SFMBT1: variants seen among roughly 807,000 people sequenced by gnomAD.
SFMBT1 encodes the protein scm-like with four MBT domains protein 1.
In SFMBT1, 32 loss-of-function variants were observed where a neutral mutation model predicts 108.7. That is an observed-to-expected ratio of 0.29 (90% CI 0.22 to 0.40). The LOEUF is 0.40. Among genes scored for constraint, SFMBT1 ranks in the 10% least tolerant of loss-of-function variants. The pLI, the probability that SFMBT1 is intolerant of heterozygous loss-of-function variation, is 1.00. For synonymous variants in SFMBT1, 348 were observed against 369.5 expected, an observed-to-expected ratio of 0.94 and a Z score of 0.67; for missense variants, 816 against 1,059.6, an observed-to-expected ratio of 0.77 and a Z score of 3.19.
intron 1 of SFMBT1, among the ~76,000 whole-genome samples, chr3:52,972,841 AACACACACAC>A (rs55688451): frequency 8.4e-6 from 1 of 118,852 alleles, no homozygotes; most frequent in African/African-American, 3.4e-5. Context: ...ATCTCTACTA[AACACACACAC>A]ACACACACAC....
intron 1 of SFMBT1, among the ~76,000 whole-genome samples, chr3:52,989,582 C>T (rs563455339): frequency 7.0e-4 from 107 of 151,982 alleles, no homozygotes; most frequent in Middle Eastern, 6.9e-3. Flanking sequence ...GGGCAGATCA[C>T]GAGGTCAGGA....
intron 3 of SFMBT1, among the ~76,000 whole-genome samples, chr3:52,948,627 AATT>A (rs71087037): frequency 1.8e-4 from 27 of 148,618 alleles, no homozygotes; most frequent in African/African-American, 3.2e-4. Flanking sequence ...GTTGCCTTAC[AATT>A]ATTATTATTA....
At chr3:52,966,253 C>T (rs1704139400) in intron 2 of SFMBT1, among the ~76,000 whole-genome samples, 2 of 148,714 alleles carry the variant, frequency 1.3e-5, no homozygotes, top group Non-Finnish European at 3.0e-5. Context: ...GGAGGCAAAG[C>T]TTGCAGTGAG....
chr3:52,969,587 A>G (rs1181814384), intron 1 of SFMBT1, among the ~76,000 whole-genome samples: 1 of 152,160 alleles, frequency 6.6e-6, no homozygotes, highest in Non-Finnish European at 1.5e-5. Flanking sequence ...CCTATACACA[A>G]AACTCCAGTT....
At chr3:52,965,903 G>A (rs1214242593) in intron 2 of SFMBT1, among the ~76,000 whole-genome samples, 2 of 149,072 alleles carry the variant, frequency 1.3e-5, no homozygotes, top group East Asian at 4.0e-4. Flanking sequence ...CTACTCGGGA[G>A]GCTGAGGCAG....
intron 10 of SFMBT1, 84 bp downstream of exon 10, chr3:52,925,946 TC>T: frequency 8.0e-7 from 1 of 1,242,360 alleles, no homozygotes; most frequent in Non-Finnish European, 1.1e-6. Flanking sequence ...ATGATTATCT[TC>T]AGAGCAATAA....
At position 52,943,450 on chromosome 3, in the gene SFMBT1, C is replaced by G; in HGVS notation, c.267G>C (p.Glu89Asp). The G allele has an allele frequency of 6.2e-7, 1 of 1,614,184 alleles. No homozygotes were observed. Among genetic ancestry groups the G allele is most frequent in the Non-Finnish European group, 8.5e-7 (1 of 1,180,032 alleles). Residue 89 changes from glutamate to aspartate, a missense_variant, in exon 4 of 21, where the codon GAG (glutamate) becomes GAC (aspartate). By Grantham distance (45) the Glu-to-Asp change is conservative. Coordinates refer to ENST00000394752, the MANE Select transcript of SFMBT1 (RefSeq NM_016329.4). ...CACACCAGAAATCTGCTCTCCGATC[C>G]TCCCCATAGCCATCATAGCGGAGAA... Reference protein sequence around the residue: ...LLLLRYDGYGEDRRADFWCDI... With the variant: ...LLLLRYDGYGDDRRADFWCDI...
At chr3:52,947,765 CCTT>C (rs1464502709) in intron 3 of SFMBT1, among the ~76,000 whole-genome samples, 9 of 151,056 alleles carry the variant, frequency 6.0e-5, no homozygotes, top group Admixed American at 2.0e-4. Context: ...GACAGCGTCT[CCTT>C]CTGTCGCCCA....
At chr3:53,040,967 AATTTTTTTTTTTT>A (rs1700026332) in intron 1 of SFMBT1, among the ~76,000 whole-genome samples, 1 of 72,834 alleles carries the variant, frequency 1.4e-5, no homozygotes, top group Non-Finnish European at 3.0e-5. Context: ...AAGACACCTG[AATTTTTTTTTTTT>A]TTTTTTTTTT....
At chr3:52,972,004 G>A (rs1370453920) in intron 1 of SFMBT1, among the ~76,000 whole-genome samples, 1 of 152,248 alleles carries the variant, frequency 6.6e-6, no homozygotes, top group African/African-American at 2.4e-5. Flanking sequence ...TTTTAAGCAG[G>A]TTGTTGACAG....
intron 17 of SFMBT1, among the ~76,000 whole-genome samples, chr3:52,909,080 A>G (rs1189090455): frequency 6.6e-6 from 1 of 152,212 alleles, no homozygotes; most frequent in Non-Finnish European, 1.5e-5. Context: ...TCAAAATATA[A>G]TACAATTTTG....
chr3:53,037,295 G>A (rs1489740048), intron 1 of SFMBT1, among the ~76,000 whole-genome samples: 5 of 152,268 alleles, frequency 3.3e-5, no homozygotes, highest in Middle Eastern at 3.4e-3. Flanking sequence ...CCATTCCTGA[G>A]AATGGAGCCT....
intron 3 of SFMBT1, among the ~76,000 whole-genome samples, chr3:52,951,120 A>AAAAAG (rs1440224146): frequency 2.1e-5 from 3 of 146,232 alleles, no homozygotes; most frequent in African/African-American, 7.5e-5. Flanking sequence ...TTATCTTAAA[A>AAAAAG]AAAAAAAAAA....
chr3:52,904,870 A>C lies in SFMBT1; in HGVS notation c.*266T>G, dbSNP rs555606687. 5 of 343,438 alleles carry C rather than the reference A, an allele frequency of 1.5e-5. No individual in the cohort carries two copies. Among genetic ancestry groups the C allele is most frequent in the Non-Finnish European group, 2.1e-5 (4 of 190,898 alleles). 21.3% of individuals were successfully genotyped at this position (343,438 alleles called of 1,614,324 possible). Reference sequence around the variant, plus strand: ...CCACTGGAAATGCTTTTCTTCTTATATAAGTCTTTTCCTCACAACCTTTAT... The same window carrying C: ...CCACTGGAAATGCTTTTCTTCTTATCTAAGTCTTTTCCTCACAACCTTTAT... On this transcript the variant is annotated 3_prime_UTR_variant, in exon 21 of 21. Coordinates refer to ENST00000394752, the MANE Select transcript of SFMBT1 (RefSeq NM_016329.4).
At chr3:53,010,235 T>C (rs1362943709) in intron 1 of SFMBT1, among the ~76,000 whole-genome samples, 1 of 152,198 alleles carries the variant, frequency 6.6e-6, no homozygotes, top group Admixed American at 6.5e-5. Context: ...TGAAACTTCT[T>C]TGGGTAAAGA....
chr3:53,025,606 C>A (rs140901315), intron 1 of SFMBT1, among the ~76,000 whole-genome samples: 6 of 151,962 alleles, frequency 3.9e-5, no homozygotes, highest in African/African-American at 1.2e-4. Context: ...ACAGAGTGAA[C>A]CCCGTCTTAA....
Position 52,920,569 on chromosome 3 carries a change from C to T in SFMBT1, c.1340G>A (p.Gly447Asp), listed in dbSNP as rs1156587088. 6.2e-7 allele frequency: 1 copy of T among 1,613,822 alleles called. No homozygotes were observed. Among genetic ancestry groups the T allele is most frequent in the Non-Finnish European group, 8.5e-7 (1 of 1,179,956 alleles). ...IFPLGWCETN[G>D]HPLSTPRRAR... The stretch of plus-strand genomic sequence containing the variant: ...TCGGCGAGGAGTGCTGAGGGGGTGG[C>T]CGTTGGTTTCACACCAGCCCAAAGG... Residue 447 changes from glycine to aspartate, a missense_variant, in exon 12 of 21, where the codon GGC becomes GAC. By Grantham distance (94) the Gly-to-Asp change is moderately conservative. This residue lies in a region of SFMBT1 where 495 missense variants were observed against 607.4 expected (regional missense o/e 0.81). Transcript: ENST00000394752.
In SFMBT1 at chr3:52,932,318, T is replaced by C. The variant is rs1340183162; in HGVS notation, c.454-10A>G. On this transcript the variant is annotated splice_polypyrimidine_tract_variant and intron_variant, in intron 5 of 20. Coordinates refer to ENST00000394752, the MANE Select transcript of SFMBT1 (RefSeq NM_016329.4). ...TCCTCCCATTACGGAGCTGTAGGAT[T>C]AAAAAGTAAAACAACCCAGTAAGAG... The C allele has an allele frequency of 3.7e-6, 6 of 1,603,920 alleles. No individual in the cohort carries two copies. In the Admixed American group the frequency reaches 5.2e-5, roughly 14 times the overall value.
At chr3:52,906,061 A>G (rs573074385) in intron 20 of SFMBT1, 52 bp downstream of exon 20, 3 of 1,593,230 alleles carry the variant, frequency 1.9e-6, no homozygotes, top group African/African-American at 1.3e-5. Flanking sequence ...TATTACATCC[A>G]TAATTTATTG....
Sources: gnomAD v4.1 joint callset for allele counts (sites outside exome capture counted in the v4.1 genomes callset) on GRCh38, gnomAD v4.1.1 for gene constraint, gnomAD v4.1.1 regional missense constraint, MANE v1.5 for transcripts, NCBI Gene and HGNC (gene_info 2026-07-23, HGNC 2026-07-21) for gene names.